Variants in SLC28A1 observed in about 807,000 individuals in gnomAD.
The protein encoded by SLC28A1 is sodium/nucleoside cotransporter 1.
In SLC28A1, 64 loss-of-function variants were observed where a neutral mutation model predicts 74.8. The ratio of observed to expected loss-of-function variants is 0.86; its 90% confidence interval spans 0.70 to 1.05. SLC28A1 has a LOEUF of 1.05. Ranked by LOEUF, SLC28A1 falls within the 50% of genes least tolerant of loss-of-function variation. The probability of loss-of-function intolerance (pLI) is 0.00; values close to 1 mark genes in which losing one functional copy is unlikely to be tolerated. For synonymous variants in SLC28A1, 359 were observed against 335.0 expected (o/e 1.07, Z -0.78); for missense variants, 828 against 822.8 (o/e 1.01, Z -0.08).
At chr15:84,955,173 G>A in the SLC28A1 span, among the ~76,000 whole-genome samples, 1 of 152,186 alleles carries the variant, frequency 6.6e-6, no homozygotes, top group Admixed American at 6.5e-5. Context: ...CCTCTGGGTG[G>A]TTCCAGCCCA....
At chr15:84,950,382 T>TTA, downstream of SLC28A1, among the ~76,000 whole-genome samples, 3 of 95,852 alleles carry the variant, frequency 3.1e-5, no homozygotes. Context: ...TTTTTTTTTT[T>TTA]AGTAAAAACT....
At chr15:84,915,964 A>C (rs2343672) in intron 9 of SLC28A1, among the ~76,000 whole-genome samples, 77,739 of 150,744 alleles carry the variant, frequency 0.52, 20,824 homozygotes, top group East Asian at 0.82. Flanking sequence ...TCTTCTTCTT[A>C]TTATTATTAT....
At chr15:84,899,940 A>AAAGG (rs71135318) in intron 6 of SLC28A1, among the ~76,000 whole-genome samples, 2,830 of 136,894 alleles carry the variant, frequency 0.021, 57 homozygotes, top group African/African-American at 0.041. Flanking sequence ...AGAAAGAAAG[A>AAAGG]AAGGAAGGAA....
At chr15:84,902,354 C>T (rs944303214) in intron 6 of SLC28A1, among the ~76,000 whole-genome samples, 3 of 152,012 alleles carry the variant, frequency 2.0e-5, no homozygotes, top group African/African-American at 7.2e-5. Context: ...GGGGTGCATC[C>T]CTGTAGTCCC....
chr15:84,895,132 G>C lies in SLC28A1; in HGVS notation c.461+9G>C. The C allele has an allele frequency of 6.2e-7, 1 of 1,613,654 alleles. No individual in the cohort carries two copies. Among genetic ancestry groups the C allele is most frequent in the Non-Finnish European group, 8.5e-7 (1 of 1,179,858 alleles). On this transcript the variant is annotated intron_variant, in intron 6 of 18. Transcript: ENST00000394573. ...CTGCTCTGGTTTAAGAGGTGAGTGA[G>C]CTCACAGCCCCGAGGCAGGGCAGGG...
At chr15:84,916,087 C>A (rs1320881858) in intron 9 of SLC28A1, among the ~76,000 whole-genome samples, 1 of 151,296 alleles carries the variant, frequency 6.6e-6, no homozygotes, top group Non-Finnish European at 1.5e-5. Flanking sequence ...CTCAGCCTTC[C>A]GAGTAGCTGG....
chr15:84,957,860 C>A, the SLC28A1 span, among the ~76,000 whole-genome samples: 1 of 152,164 alleles, frequency 6.6e-6, no homozygotes, highest in Non-Finnish European at 1.5e-5. Context: ...AAAAACCCAG[C>A]TGAGATTTTG....
intron 11 of SLC28A1, among the ~76,000 whole-genome samples, chr15:84,923,191 GC>G (rs1970056214): frequency 6.6e-6 from 1 of 152,170 alleles, no homozygotes; most frequent in African/African-American, 2.4e-5. Flanking sequence ...TACCACCTCA[GC>G]CTCCCAAAGT....
chr15:84,923,611 C>A (rs1487461416), intron 11 of SLC28A1, among the ~76,000 whole-genome samples: 1 of 152,200 alleles, frequency 6.6e-6, no homozygotes, highest in African/African-American at 2.4e-5. Flanking sequence ...ACCTGCTTCA[C>A]ATCCTTTTAC....
chr15:84,954,651 C>G, the SLC28A1 span, among the ~76,000 whole-genome samples: 3 of 152,204 alleles, frequency 2.0e-5, no homozygotes, highest in African/African-American at 7.2e-5. Context: ...AGGTTTTGAA[C>G]CCAGTTCTGT....
the SLC28A1 span, among the ~76,000 whole-genome samples, chr15:84,972,365 A>T: frequency 0.78 from 118,360 of 152,230 alleles, 46,491 homozygotes; most frequent in South Asian, 0.86. Flanking sequence ...CCCTGTGACC[A>T]TGGGCAAGTC....
rs1368313124 is a variant in SLC28A1, at chr15:84,945,677, C to T, written c.*477C>T. 1 of 235,598 alleles carries T rather than the reference C, an allele frequency of 4.2e-6. No individual in the cohort carries two copies. Among genetic ancestry groups the T allele is most frequent in the Non-Finnish European group, 8.4e-6 (1 of 118,760 alleles). The allele number at this position is 235,598 out of a possible 1,614,324, so 14.6% of individuals were successfully genotyped here. A position where few individuals can be genotyped will look rare whatever the true frequency, so the allele number is the denominator to read the frequency against. ...TTTCAGAGAAACCCTTCCCGCCTTT[C>T]CTCAGAGTGCTTCCCAAACTGAGGT... On this transcript the variant is annotated 3_prime_UTR_variant, in exon 19 of 19. Coordinates refer to ENST00000394573, the MANE Select transcript of SLC28A1 (RefSeq NM_004213.5).
At chr15:84,927,226 C>T (rs1970624182) in intron 12 of SLC28A1, among the ~76,000 whole-genome samples, 1 of 152,162 alleles carries the variant, frequency 6.6e-6, no homozygotes, top group African/African-American at 2.4e-5. Context: ...GAAAATTTCC[C>T]CTACGTCCTC....
intron 5 of SLC28A1, among the ~76,000 whole-genome samples, chr15:84,892,486 T>C (rs547572891): frequency 1.1e-4 from 17 of 152,342 alleles, no homozygotes; most frequent in African/African-American, 4.1e-4. Context: ...TGAAGAACAA[T>C]TGAATTCTCT....
chr15:84,921,356 A>G (rs1358345723), intron 11 of SLC28A1, among the ~76,000 whole-genome samples: 1 of 152,178 alleles, frequency 6.6e-6, no homozygotes, highest in Non-Finnish European at 1.5e-5. Flanking sequence ...CATTTTACAC[A>G]TGAGGAAACA....
chr15:84,941,699 CATGGCAAA>C (rs1304410162), intron 15 of SLC28A1, among the ~76,000 whole-genome samples: 1 of 152,002 alleles, frequency 6.6e-6, no homozygotes, highest in Non-Finnish European at 1.5e-5. Context: ...GCCTGGCCAA[CATGGCAAA>C]CAGGAAATAG....
the SLC28A1 span, among the ~76,000 whole-genome samples, chr15:84,960,762 T>C: frequency 6.6e-6 from 1 of 152,244 alleles, no homozygotes; most frequent in African/African-American, 2.4e-5. Context: ...AGTTCAGCTT[T>C]ATCAGCTCTG....
Position 84,886,807 on chromosome 15 carries a change from C to T in SLC28A1, c.-17+20C>T, listed in dbSNP as rs551327901. The T allele has an allele frequency of 6.1e-5, 60 of 976,758 alleles. No individual in the cohort carries two copies. Among genetic ancestry groups the T allele is most frequent in the East Asian group, 1.1e-4 (1 of 8,762 alleles). The allele number at this position is 976,758 out of a possible 1,614,324, so 60.5% of individuals were successfully genotyped here. A position where few individuals can be genotyped will look rare whatever the true frequency, so the allele number is the denominator to read the frequency against. ...AAATACGTGAGTAGAAACAGGGCCC[C>T]GCTTCTGTGTGCGCTGCTGTGCGTC... On this transcript the variant is annotated intron_variant, in intron 2 of 18. Coordinates refer to ENST00000394573, the MANE Select transcript of SLC28A1 (RefSeq NM_004213.5).
chr15:84,941,237 G>C (rs1330533208), intron 15 of SLC28A1: 1 of 151,334 alleles, frequency 6.6e-6, no homozygotes, highest in Non-Finnish European at 1.5e-5. Context: ...ACGGAGTCTC[G>C]CTCTGTTGCC....
Sources: allele counts gnomAD v4.1 joint callset (sites outside exome capture counted in the v4.1 genomes callset), GRCh38; gene constraint gnomAD v4.1.1; transcripts MANE v1.5; gene names NCBI Gene and HGNC (gene_info 2026-07-23, HGNC 2026-07-21).